The following SLC24A2 variants were observed in gnomAD, a reference collection of about 807,000 sequenced individuals.
SLC24A2 encodes solute carrier family 24 member 2.
A neutral mutation model predicts 62.0 loss-of-function variants in SLC24A2; 36 were observed. That is an observed-to-expected ratio of 0.58 (90% confidence interval 0.44 to 0.77). The LOEUF (loss-of-function observed/expected upper bound fraction) is 0.77. Ranked by LOEUF, SLC24A2 falls within the 30% of genes least tolerant of loss-of-function variation. The probability of loss-of-function intolerance (pLI) is 0.00; values close to 1 mark genes in which losing one functional copy is unlikely to be tolerated. For synonymous variants in SLC24A2, 358 were observed against 294.0 expected, an observed-to-expected ratio of 1.22 and a Z score of -2.23; for missense variants, 846 against 817.9, an observed-to-expected ratio of 1.03 and a Z score of -0.42.
At chr9:20,215,272 G>A in the SLC24A2 span, among the ~76,000 whole-genome samples, 1 of 152,082 alleles carries the variant, frequency 6.6e-6, no homozygotes, top group Admixed American at 6.5e-5. Flanking sequence ...ACACGCCAAA[G>A]GTCTCACATT....
the SLC24A2 span, among the ~76,000 whole-genome samples, chr9:20,273,879 C>A: frequency 6.6e-6 from 1 of 152,170 alleles, no homozygotes; most frequent in Non-Finnish European, 1.5e-5. Flanking sequence ...TTCTTTGGGT[C>A]TTCATTTCTG....
chr9:19,609,685 A>G (rs927465634), intron 4 of SLC24A2, among the ~76,000 whole-genome samples: 1 of 151,976 alleles, frequency 6.6e-6, no homozygotes, highest in Non-Finnish European at 1.5e-5. Context: ...TGGGGTCTTC[A>G]TTGCTTTCAT....
chr9:20,060,341 G>T, the SLC24A2 span, among the ~76,000 whole-genome samples: 300 of 152,166 alleles, frequency 2.0e-3, 1 homozygote, highest in African/African-American at 7.1e-3. Context: ...AAGTCAGACA[G>T]AGATATCACA....
chr9:19,865,915 C>A, the SLC24A2 span, among the ~76,000 whole-genome samples: 1 of 152,092 alleles, frequency 6.6e-6, no homozygotes, highest in African/African-American at 2.4e-5. Context: ...AGAGACAACC[C>A]ACAGAATGGG....
chr9:19,914,910 T>G, the SLC24A2 span, among the ~76,000 whole-genome samples: 1 of 152,118 alleles, frequency 6.6e-6, no homozygotes, highest in East Asian at 1.9e-4. Flanking sequence ...ACATTTGATT[T>G]GTATTTTATT....
the SLC24A2 span, among the ~76,000 whole-genome samples, chr9:20,084,931 T>C: frequency 3.9e-5 from 6 of 152,162 alleles, no homozygotes; most frequent in Non-Finnish European, 8.8e-5. Flanking sequence ...TGGGAAAGGA[T>C]TGCTTCTGTT....
At chr9:20,297,723 T>A in the SLC24A2 span, among the ~76,000 whole-genome samples, 2 of 152,218 alleles carry the variant, frequency 1.3e-5, no homozygotes, top group African/African-American at 4.8e-5. Context: ...TTGAGGAGGC[T>A]GAGCACAGTC....
intron 2 of SLC24A2, among the ~76,000 whole-genome samples, chr9:19,761,088 T>A (rs1564085456): frequency 6.6e-6 from 1 of 152,072 alleles, no homozygotes; most frequent in Non-Finnish European, 1.5e-5. Flanking sequence ...TTTAAAAAAA[T>A]GTTTGCTATT....
At chr9:20,203,825 T>A in the SLC24A2 span, among the ~76,000 whole-genome samples, 13 of 152,354 alleles carry the variant, frequency 8.5e-5, no homozygotes, top group African/African-American at 3.1e-4. Flanking sequence ...TTGTTCATCC[T>A]TGCTGGGTTC....
chr9:20,117,035 C>G, the SLC24A2 span, among the ~76,000 whole-genome samples: 16,869 of 152,108 alleles, frequency 0.11, 977 homozygotes, highest in Middle Eastern at 0.17. Flanking sequence ...GAAGGAAATC[C>G]AGTCTCTCAC....
intron 5 of SLC24A2, among the ~76,000 whole-genome samples, chr9:19,593,226 T>C (rs193155633): frequency 1.3e-5 from 2 of 152,248 alleles, no homozygotes; most frequent in African/African-American, 4.8e-5. Flanking sequence ...ACTCATCTCA[T>C]GCCTGTGTCT....
chr9:20,124,555 C>G, the SLC24A2 span, among the ~76,000 whole-genome samples: 1 of 152,150 alleles, frequency 6.6e-6, no homozygotes, highest in Non-Finnish European at 1.5e-5. Flanking sequence ...CTGCTGACAT[C>G]TTTCTGTTCC....
intron 9 of SLC24A2, among the ~76,000 whole-genome samples, chr9:19,522,336 T>G (rs1258059884): frequency 6.6e-6 from 1 of 152,194 alleles, no homozygotes; most frequent in Admixed American, 6.5e-5. Context: ...TTTGCTGGAC[T>G]TGGTGAAGTG....
At chr9:19,619,430 G>T (rs1817852991) in intron 4 of SLC24A2, among the ~76,000 whole-genome samples, 154 bp downstream of exon 4, 1 of 152,144 alleles carries the variant, frequency 6.6e-6, no homozygotes, top group Admixed American at 6.5e-5. Context: ...TGCAGATAAA[G>T]CACGTCAAAG....
chr9:20,168,747 T>G, the SLC24A2 span, among the ~76,000 whole-genome samples: 1 of 152,006 alleles, frequency 6.6e-6, no homozygotes, highest in Non-Finnish European at 1.5e-5. Flanking sequence ...CCCTCGTGTA[T>G]TGCTGGTGGG....
chr9:20,281,581 A>T, the SLC24A2 span, among the ~76,000 whole-genome samples: 1 of 152,200 alleles, frequency 6.6e-6, no homozygotes. Context: ...TACAGTATAT[A>T]TTCTTTTATG....
the SLC24A2 span, among the ~76,000 whole-genome samples, chr9:20,254,471 G>A: frequency 6.6e-6 from 1 of 152,332 alleles, no homozygotes; most frequent in South Asian, 2.1e-4. Context: ...ACTGTGTGGG[G>A]TGATGCAGGG....
At chr9:20,284,140 G>GA in the SLC24A2 span, among the ~76,000 whole-genome samples, 2 of 152,186 alleles carry the variant, frequency 1.3e-5, no homozygotes, top group Non-Finnish European at 2.9e-5. Flanking sequence ...GTGGGTGGGG[G>GA]AGAGCCCCCT....
chr9:20,047,700 C>G, the SLC24A2 span, among the ~76,000 whole-genome samples: 1 of 149,236 alleles, frequency 6.7e-6, no homozygotes. Flanking sequence ...AGCTAGCCCT[C>G]TGGGGTCTCT....
Sources: allele counts gnomAD v4.1 joint callset (sites outside exome capture counted in the v4.1 genomes callset), GRCh38; gene constraint gnomAD v4.1.1; transcripts MANE v1.5; gene names NCBI Gene and HGNC (gene_info 2026-07-23, HGNC 2026-07-21).